Variants in EFCAB8 observed in about 807,000 individuals in gnomAD.
EFCAB8 encodes EF-hand calcium binding domain 8, also known as EF-hand calcium-binding domain-containing protein 8.
EFCAB8 carries 100 observed loss-of-function variants against 116.3 expected under a neutral mutation model. That is an observed-to-expected ratio of 0.86 (90% CI 0.73 to 1.02). The LOEUF (loss-of-function observed/expected upper bound fraction) is 1.02, where lower values mean the gene tolerates loss of function less well. EFCAB8 is among the 50% of genes least tolerant of loss of function. EFCAB8 has a pLI of 0.00. For missense variants in EFCAB8, 1,320 were observed against 1,416.9 expected (o/e 0.93, Z 1.10); for synonymous variants, 558 against 567.9 (o/e 0.98, Z 0.25).
At chr20:32,867,514 T>C (rs1321609096) in intron 2 of EFCAB8, 68 bp from the exon 3 acceptor site, 3 of 1,487,030 alleles carry the variant, frequency 2.0e-6, no homozygotes, top group Non-Finnish European at 2.7e-6. Context: ...CTTTAAATCA[T>C]GTGCTGAAAA....
At chr20:32,861,168 G>T (rs1294004348) in intron 1 of EFCAB8, among the ~76,000 whole-genome samples, 2 of 152,134 alleles carry the variant, frequency 1.3e-5, no homozygotes, top group Non-Finnish European at 2.9e-5. Flanking sequence ...TGTCTATAAT[G>T]GTTCACTTTT....
At chr20:32,930,376 C>T (rs552253169) in intron 20 of EFCAB8, 22 bp from the exon 21 acceptor site, 294 of 1,541,718 alleles carry the variant, frequency 1.9e-4, no homozygotes, top group Admixed American at 2.2e-4. Flanking sequence ...CCTGCTGAGC[C>T]GGGCCCTCCT....
chr20:32,953,486 C>G (rs985609235), intron 23 of EFCAB8, among the ~76,000 whole-genome samples: 1 of 152,162 alleles, frequency 6.6e-6, no homozygotes, highest in Admixed American at 6.5e-5. Context: ...CTTGCCAGCA[C>G]TTGTTATTTT....
chr20:32,931,238 G>T lies in EFCAB8; in HGVS notation c.2692G>T (p.Ala898Ser). 1 of 1,551,330 alleles carries T rather than the reference G, an allele frequency of 6.4e-7. No individual in the cohort carries two copies. The highest frequency in any genetic ancestry group is 8.7e-7 in the Non-Finnish European group (1 of 1,146,848). ...IDKQPFQSSG[A>S]KVVSEAHNKF... The stretch of plus-strand genomic sequence containing the variant: ...TAAACAGCCATTCCAATCCAGTGGG[G>T]CCAAGGTTGTCTCTGAAGCACACAA... The change falls in exon 22 of 27, where the codon GCC becomes TCC. Residue 898 changes from alanine (A) to serine (S), a missense_variant. Ala to Ser is a moderately conservative substitution (Grantham distance 99). Coordinates refer to ENST00000400522, the MANE Select transcript of EFCAB8 (RefSeq NM_001143967.2).
intron 1 of EFCAB8, among the ~76,000 whole-genome samples, chr20:32,861,228 C>T (rs1345205089): frequency 1.3e-5 from 2 of 152,156 alleles, no homozygotes; most frequent in Non-Finnish European, 2.9e-5. Flanking sequence ...TCAACAGTGG[C>T]CTTTCACAAA....
At chr20:32,904,254 A>G (rs996202131) in intron 11 of EFCAB8, among the ~76,000 whole-genome samples, 2 of 148,854 alleles carry the variant, frequency 1.3e-5, no homozygotes, top group Admixed American at 6.7e-5. Flanking sequence ...CGACCTGCCA[A>G]AGTGCTGGGA....
At chr20:32,891,827 G>GTTTTT (rs35814833) in intron 7 of EFCAB8, among the ~76,000 whole-genome samples, 1 of 145,600 alleles carries the variant, frequency 6.9e-6, no homozygotes, top group Non-Finnish European at 1.5e-5. Context: ...GAAGGAGTCA[G>GTTTTT]TTTTTTTTTT....
chr20:32,943,712 C>T lies in EFCAB8; in HGVS notation c.2867C>T (p.Ala956Val). 1 of 417,018 alleles carries T rather than the reference C, an allele frequency of 2.4e-6. No homozygotes were observed. Among genetic ancestry groups the T allele is most frequent in the Non-Finnish European group, 4.4e-6 (1 of 226,496 alleles). The allele number at this position is 417,018 out of a possible 1,614,324, so 25.8% of individuals were successfully genotyped here. Residue 956 changes from alanine to valine, a missense_variant, in exon 23 of 27, where the codon GCA becomes GTA. Ala to Val is a moderately conservative substitution (Grantham distance 64). Transcript: ENST00000400522. ...MTWKGHLNSV[A>V]DILYVDNFQL... The stretch of plus-strand genomic sequence containing the variant: ...TGGAAAGGCCATTTGAATAGTGTGG[C>T]AGACATCCTGTATGTGGACAACTTC...
intron 3 of EFCAB8, among the ~76,000 whole-genome samples, chr20:32,868,708 G>A (rs990084134): frequency 1.1e-4 from 16 of 152,140 alleles, no homozygotes; most frequent in Admixed American, 7.9e-4. Context: ...GGCTGGGACC[G>A]GTGTGGTGGC....
intron 3 of EFCAB8, among the ~76,000 whole-genome samples, chr20:32,874,059 T>A (rs1416558460): frequency 1.3e-5 from 2 of 151,866 alleles, no homozygotes; most frequent in Non-Finnish European, 2.9e-5. Context: ...TAGTTGGGAC[T>A]ACAGGCATGT....
intron 1 of EFCAB8, among the ~76,000 whole-genome samples, chr20:32,859,564 T>C (rs1192549130): frequency 6.6e-6 from 1 of 152,208 alleles, no homozygotes; most frequent in Non-Finnish European, 1.5e-5. Context: ...TGAAAGACAT[T>C]TATCTTACAA....
intron 14 of EFCAB8, among the ~76,000 whole-genome samples, chr20:32,908,684 C>T (rs1176192462): frequency 6.6e-6 from 1 of 152,244 alleles, no homozygotes; most frequent in African/African-American, 2.4e-5. Context: ...TGGGAGCCAC[C>T]CTGAACGTCA....
At chr20:32,942,947 T>C (rs1988450934) in intron 22 of EFCAB8, among the ~76,000 whole-genome samples, 1 of 152,254 alleles carries the variant, frequency 6.6e-6, no homozygotes, top group African/African-American at 2.4e-5. Flanking sequence ...CTGAGCTTTC[T>C]ATTGTCTTCC....
intron 10 of EFCAB8, 59 bp from the exon 11 acceptor site, chr20:32,898,434 G>C (rs1986268386): frequency 2.9e-6 from 2 of 696,864 alleles, no homozygotes; most frequent in Admixed American, 4.0e-5. Context: ...TGTTCTGGGG[G>C]CTGGGCCTAG....
intron 22 of EFCAB8, among the ~76,000 whole-genome samples, chr20:32,939,203 C>CTTTCTTTCTTTCTTTCCT (rs1555869214): frequency 7.8e-5 from 4 of 51,048 alleles, no homozygotes; most frequent in Non-Finnish European, 7.6e-5. Flanking sequence ...TTCTTTCTTT[C>CTTTCTTTCTTTCTTTCCT]CTCTCTCTCT....
In EFCAB8 at chr20:32,932,588, G is replaced by A. The variant is rs140068866; in HGVS notation, c.2790+1252G>A. Among the ~76,000 whole-genome samples the A allele has an allele frequency of 5.0e-3, 760 of 152,216 alleles. 4 individuals carry two copies. The highest frequency in any genetic ancestry group is 0.02 in the Middle Eastern group (6 of 294). ...CTCTGGTGTTTACTTATGCAAACAC[G>A]ATGTGTAAAGTTATTTTCTACTGAA... On this transcript the variant is annotated intron_variant, in intron 22 of 26. Transcript: ENST00000400522.
chr20:32,868,760 A>G (rs1984547833), intron 3 of EFCAB8, among the ~76,000 whole-genome samples: 1 of 152,148 alleles, frequency 6.6e-6, no homozygotes, highest in Admixed American at 6.6e-5. Context: ...CAAGGCGGGC[A>G]GATCACTTAA....
At chr20:32,865,001 G>C (rs1000475735) in intron 2 of EFCAB8, among the ~76,000 whole-genome samples, 2 of 152,222 alleles carry the variant, frequency 1.3e-5, no homozygotes, top group African/African-American at 4.8e-5. Flanking sequence ...GTGGCTCAGG[G>C]AAGTGATGTG....
intron 23 of EFCAB8, among the ~76,000 whole-genome samples, chr20:32,947,958 A>G (rs1290848634): frequency 1.3e-5 from 2 of 151,850 alleles, no homozygotes; most frequent in African/African-American, 4.8e-5. Flanking sequence ...TTGAGCCCAA[A>G]GTAAATAGAA....
Sources: gnomAD v4.1 joint callset for allele counts (sites outside exome capture counted in the v4.1 genomes callset) on GRCh38, gnomAD v4.1.1 for gene constraint, MANE v1.5 for transcripts, NCBI Gene and HGNC (gene_info 2026-07-23, HGNC 2026-07-21) for gene names.